METTL6: variants seen among roughly 807,000 people sequenced by gnomAD.
The protein encoded by METTL6 is methyltransferase 6, tRNA N3-cytidine, also known as tRNA N(3)-cytidine methyltransferase METTL6.
A neutral mutation model predicts 26.4 loss-of-function variants in METTL6; 22 were observed. That is an observed-to-expected ratio of 0.83 (90% CI 0.59 to 1.19). The LOEUF is 1.19. METTL6 is among the 50% of genes most tolerant of loss of function. METTL6 has a pLI of 0.00. For synonymous variants in METTL6, 109 were observed against 116.2 expected (o/e 0.94, Z 0.40); for missense variants, 304 against 324.8 (o/e 0.94, Z 0.49).
At chr3:15,419,093 G>C (rs749799613) in intron 3 of METTL6, among the ~76,000 whole-genome samples, 1 of 152,094 alleles carries the variant, frequency 6.6e-6, no homozygotes, top group East Asian at 1.9e-4. Context: ...ACAAGGTCGA[G>C]GCTGCAGTGA....
At chr3:15,415,747 C>G in intron 4 of METTL6, 25 bp downstream of exon 4, 1 of 1,609,702 alleles carries the variant, frequency 6.2e-7, no homozygotes, top group Non-Finnish European at 8.5e-7. Context: ...GTCCAACCCT[C>G]AAGTGCAGGC....
chr3:15,389,138 G>A (rs1699274518), intron 6 of METTL6, among the ~76,000 whole-genome samples: 1 of 151,636 alleles, frequency 6.6e-6, no homozygotes, highest in Non-Finnish European at 1.5e-5. Flanking sequence ...TTACACGCAT[G>A]AGGCACCACA....
rs2125059434 is a variant in METTL6, at chr3:15,427,459, C to G, written c.-182G>C. On this transcript the variant is annotated 5_prime_UTR_variant, in exon 1 of 6. Coordinates refer to ENST00000383790, the MANE Select transcript of METTL6 (RefSeq NM_152396.4). ...GAATACGGGAAGAACCGCGAAACAA[C>G]CCTAAACCAATTCTGAGGACCACGA... The G allele has an allele frequency of 2.5e-6, 1 of 402,080 alleles. No homozygotes were observed. The highest frequency in any genetic ancestry group is 6.3e-5 in the East Asian group (1 of 15,768). 24.9% of individuals were successfully genotyped at this position (402,080 alleles called of 1,614,324 possible). A position where few individuals can be genotyped will look rare whatever the true frequency, so the allele number is the denominator to read the frequency against.
In METTL6 at chr3:15,426,376, C is replaced by A; in HGVS notation, c.136G>T (p.Asp46Tyr). ...GTGCTATTTCTTTTGTAAAAAAGAT[C>A]CCAATTTTTCTGAGCCTCTTGTTCC... ...KLEQEAQKNW[D>Y]LFYKRNSTNF... Residue 46 changes from aspartate (D) to tyrosine (Y), a missense_variant, in exon 2 of 6, where the codon GAT (aspartate) becomes TAT (tyrosine). Coordinates refer to ENST00000383790, the MANE Select transcript of METTL6 (RefSeq NM_152396.4). 1.9e-6 allele frequency: 3 copies of A among 1,614,184 alleles called. No homozygotes were observed. Among genetic ancestry groups the A allele is most frequent in the South Asian group, 2.2e-5 (2 of 91,084 alleles).
At position 15,411,415 on chromosome 3, in the gene METTL6, C is replaced by A; in HGVS notation, c.696G>T (p.Met232Ile). The A allele has an allele frequency of 6.2e-7, 1 of 1,613,902 alleles. No individual in the cohort carries two copies. The highest frequency in any genetic ancestry group is 1.1e-5 in the South Asian group (1 of 91,052). Reference sequence around the variant, plus strand: ...TTACCACTTCTTCATAACCTGTGTCCATAAAGAGCTGAGCCAGGAAGTCTG... The same window carrying A: ...TTACCACTTCTTCATAACCTGTGTCAATAAAGAGCTGAGCCAGGAAGTCTG... The part of the protein sequence containing the change: ...FTDDFLAQLF[M>I]DTGYEEVVNE... Residue 232 changes from methionine to isoleucine, a missense_variant, in exon 6 of 6, where the codon ATG becomes ATT. Transcript: ENST00000383790.
At chr3:15,406,584 A>T (rs7619147), downstream of METTL6, among the ~76,000 whole-genome samples, 2,182 of 74,902 alleles carry the variant, frequency 0.029, 85 homozygotes, top group African/African-American at 0.1. Context: ...AAAAACAAAC[A>T]GTTATATATA....
chr3:15,411,764 T>TA (rs998211946), intron 5 of METTL6, among the ~76,000 whole-genome samples: 3 of 151,400 alleles, frequency 2.0e-5, no homozygotes, highest in Non-Finnish European at 2.9e-5. Flanking sequence ...TTTTTTTAAT[T>TA]AAAAAAAAAT....
chr3:15,419,004 A>G (rs909663097), intron 3 of METTL6, among the ~76,000 whole-genome samples: 2 of 152,070 alleles, frequency 1.3e-5, no homozygotes, highest in African/African-American at 4.8e-5. Flanking sequence ...CATCTCTACA[A>G]AAAATTTTTA....
intron 5 of METTL6, 35 bp downstream of exon 5, chr3:15,413,983 GAAT>G: frequency 6.2e-7 from 1 of 1,613,050 alleles, no homozygotes; most frequent in South Asian, 1.1e-5. Context: ...CAGAAACAAA[GAAT>G]AAAACATTTA....
At chr3:15,423,545 C>T (rs1188876370) in intron 3 of METTL6, among the ~76,000 whole-genome samples, 1 of 151,930 alleles carries the variant, frequency 6.6e-6, no homozygotes, top group Non-Finnish European at 1.5e-5. Context: ...CCAGCCTAGG[C>T]AACATAGGGA....
intron 6 of METTL6, among the ~76,000 whole-genome samples, chr3:15,400,122 T>C (rs1194104792): frequency 6.6e-6 from 1 of 152,078 alleles, no homozygotes; most frequent in Non-Finnish European, 1.5e-5. Flanking sequence ...CGGCCACCCT[T>C]CTGAAGGGTG....
chr3:15,385,819 A>T (rs1699177983), intron 6 of METTL6, among the ~76,000 whole-genome samples: 1 of 152,170 alleles, frequency 6.6e-6, no homozygotes, highest in Admixed American at 6.5e-5. Context: ...GCCCAAATAA[A>T]CTCTCTGCTT....
intron 3 of METTL6, among the ~76,000 whole-genome samples, chr3:15,418,694 T>C (rs2061545447): frequency 6.6e-6 from 1 of 152,118 alleles, no homozygotes; most frequent in African/African-American, 2.4e-5. Context: ...AATAACTATA[T>C]AACCAAAAAT....
At chr3:15,414,628 C>T (rs1235395855) in intron 4 of METTL6, 3 of 283,018 alleles carry the variant, frequency 1.1e-5, no homozygotes, top group South Asian at 5.8e-5. Context: ...GTTGGGATTA[C>T]AGGCGTGAGC....
intron 3 of METTL6, among the ~76,000 whole-genome samples, chr3:15,421,513 A>C (rs1214989059): frequency 6.6e-6 from 1 of 152,130 alleles, no homozygotes; most frequent in Non-Finnish European, 1.5e-5. Flanking sequence ...CCCAGGCTGG[A>C]GTACAATGGC....
intron 5 of METTL6, chr3:15,413,620 A>G: frequency 1.7e-6 from 2 of 1,176,492 alleles, no homozygotes; most frequent in Non-Finnish European, 2.1e-6. Context: ...TCAATTCTAC[A>G]GAAAAAGGTT....
At chr3:15,394,388 T>C (rs1032994356) in intron 6 of METTL6, among the ~76,000 whole-genome samples, 42 of 152,368 alleles carry the variant, frequency 2.8e-4, no homozygotes, top group African/African-American at 9.9e-4. Flanking sequence ...TCTTCTCTCT[T>C]TTCTACTTTA....
exon 7 of METTL6, chr3:15,381,335 G>A (rs2124875531): frequency 6.6e-6 from 1 of 152,268 alleles, no homozygotes; most frequent in South Asian, 2.1e-4. Context: ...TGGAAGAGTA[G>A]TGTCCTGAAG....
At chr3:15,402,467 C>T (rs1448662740) in intron 6 of METTL6, among the ~76,000 whole-genome samples, 1 of 152,096 alleles carries the variant, frequency 6.6e-6, no homozygotes, top group Non-Finnish European at 1.5e-5. Context: ...GGCATGGTGG[C>T]TTACACCAGT....
Sources: gnomAD v4.1 joint callset for allele counts (sites outside exome capture counted in the v4.1 genomes callset) on GRCh38, gnomAD v4.1.1 for gene constraint, MANE v1.5 for transcripts, NCBI Gene and HGNC (gene_info 2026-07-23, HGNC 2026-07-21) for gene names.